Variants in AMD1 observed in about 807,000 individuals in gnomAD.
AMD1 encodes S-adenosylmethionine decarboxylase proenzyme.
In AMD1, 11 loss-of-function variants were observed where a neutral mutation model predicts 40.2. The ratio of observed to expected loss-of-function variants is 0.27; its 90% CI spans 0.17 to 0.45. The LOEUF (loss-of-function observed/expected upper bound fraction) is 0.45, where lower values mean the gene tolerates loss of function less well. AMD1 is among the 20% of genes least tolerant of loss of function. The pLI, the probability that AMD1 is intolerant of heterozygous loss-of-function variation, is 1.00. For synonymous variants in AMD1, 121 were observed against 130.8 expected, an observed-to-expected ratio of 0.93 and a Z score of 0.51; for missense variants, 257 against 410.2, an observed-to-expected ratio of 0.63 and a Z score of 3.23.
chr6:110,840,700 A>G, the AMD1 span, among the ~76,000 whole-genome samples: 2 of 133,544 alleles, frequency 1.5e-5, no homozygotes, highest in Non-Finnish European at 3.1e-5. Flanking sequence ...CAGGGTATAG[A>G]GCAGGGCCCT....
rs1433800255 is a variant in AMD1, at chr6:110,883,520, C to G, written c.111-3985C>G. Reference sequence around the variant, plus strand: ...TTGTTTTGTTCTATTCTGCCCCAATCCTCTTGTAGGCCTTTAGCAGCTGTG... The same window carrying G: ...TTGTTTTGTTCTATTCTGCCCCAATGCTCTTGTAGGCCTTTAGCAGCTGTG... On this transcript the variant is annotated intron_variant, in intron 1 of 8. Coordinates refer to ENST00000368885, the MANE Select transcript of AMD1 (RefSeq NM_001634.6). Among the ~76,000 whole-genome samples, 5 of 152,348 alleles carry G rather than the reference C, an allele frequency of 3.3e-5. No homozygotes were observed. In the East Asian group the frequency reaches 5.8e-4, roughly 18 times the overall value.
chr6:110,861,238 G>A, the AMD1 span, among the ~76,000 whole-genome samples: 28 of 151,900 alleles, frequency 1.8e-4, no homozygotes, highest in East Asian at 5.3e-3. Flanking sequence ...GGCGCCTGTA[G>A]TCCCAGCTAC....
chr6:110,854,454 T>C, the AMD1 span, among the ~76,000 whole-genome samples: 3 of 152,018 alleles, frequency 2.0e-5, no homozygotes, highest in Non-Finnish European at 4.4e-5. Context: ...TTTCTTTCTT[T>C]CTTTTTTTTT....
chr6:110,844,793 A>AG, the AMD1 span, among the ~76,000 whole-genome samples: 1 of 151,624 alleles, frequency 6.6e-6, no homozygotes, highest in African/African-American at 2.4e-5. Context: ...GAAAAAAAAA[A>AG]GAAAGAAAGA....
At chr6:110,847,000 C>T in the AMD1 span, among the ~76,000 whole-genome samples, 341 of 151,780 alleles carry the variant, frequency 2.2e-3, 1 homozygote, top group Middle Eastern at 6.8e-3. Flanking sequence ...GAATGCATGG[C>T]ATGCATATCA....
the AMD1 span, among the ~76,000 whole-genome samples, chr6:110,849,389 T>A: frequency 1.3e-5 from 2 of 152,280 alleles, no homozygotes; most frequent in East Asian, 3.9e-4. Flanking sequence ...TATATCCATA[T>A]TAAAAGATGA....
chr6:110,863,008 G>C, the AMD1 span, among the ~76,000 whole-genome samples: 2 of 151,514 alleles, frequency 1.3e-5, no homozygotes, highest in African/African-American at 4.8e-5. Context: ...GCAGTGGCGT[G>C]ATCTCGGCTC....
the AMD1 span, among the ~76,000 whole-genome samples, chr6:110,817,620 G>T: frequency 6.6e-6 from 1 of 152,232 alleles, no homozygotes; most frequent in South Asian, 2.1e-4. Flanking sequence ...AAAAAAAATG[G>T]TATCTTTAAT....
the AMD1 span, among the ~76,000 whole-genome samples, chr6:110,825,216 C>T: frequency 6.6e-6 from 1 of 152,176 alleles, no homozygotes; most frequent in Admixed American, 6.6e-5. Context: ...ACAATTATCA[C>T]AATGTCGTAT....
In AMD1 at chr6:110,880,765, TG is replaced by T. The variant is rs530430910; in HGVS notation, c.110+5553del. Among the ~76,000 whole-genome samples the T allele has an allele frequency of 2.1e-3, 325 of 152,164 alleles. 1 individual carries two copies. Among genetic ancestry groups the T allele is most frequent in the Non-Finnish European group, 3.7e-3 (255 of 68,006 alleles). ...TTGGTGCACTGTAGCCTCCGCCTCCTGGGTTCAAGTGATTCTCCTGCCTCAG... is the reference window on the plus strand; with the variant it reads ...TTGGTGCACTGTAGCCTCCGCCTCCTGGTTCAAGTGATTCTCCTGCCTCAG... On this transcript the variant is annotated intron_variant, in intron 1 of 8. Transcript: ENST00000368885.
the AMD1 span, among the ~76,000 whole-genome samples, chr6:110,856,828 G>A: frequency 6.6e-6 from 1 of 152,120 alleles, no homozygotes; most frequent in Non-Finnish European, 1.5e-5. Context: ...TCCAAAAAAG[G>A]CAGGATTTGT....
chr6:110,839,060 C>A, the AMD1 span, among the ~76,000 whole-genome samples: 2 of 152,190 alleles, frequency 1.3e-5, no homozygotes, highest in African/African-American at 4.8e-5. Flanking sequence ...AGCCACCGCG[C>A]CTGGCCCCTA....
chr6:110,858,280 G>A, the AMD1 span: 1 of 920,104 alleles, frequency 1.1e-6, no homozygotes, highest in Non-Finnish European at 1.7e-6. Flanking sequence ...CGTACGGGCT[G>A]TCAGCCGAGA....
chr6:110,821,036 T>C, the AMD1 span, among the ~76,000 whole-genome samples: 7 of 152,360 alleles, frequency 4.6e-5, no homozygotes, highest in Admixed American at 2.0e-4. Flanking sequence ...CTTTGTGATA[T>C]GAGTTTTAAT....
the AMD1 span, among the ~76,000 whole-genome samples, chr6:110,849,632 A>C: frequency 6.6e-6 from 1 of 152,186 alleles, no homozygotes; most frequent in African/African-American, 2.4e-5. Flanking sequence ...TTTTTTTAAA[A>C]AAACCTCTTT....
chr6:110,828,332 T>G, the AMD1 span, among the ~76,000 whole-genome samples: 2 of 151,886 alleles, frequency 1.3e-5, no homozygotes, highest in African/African-American at 4.8e-5. Context: ...CTCGGGAGGC[T>G]GAGGCAGGAG....
At chr6:110,859,270 G>A in the AMD1 span, 7 of 381,422 alleles carry the variant, frequency 1.8e-5, no homozygotes, top group Non-Finnish European at 3.5e-5. Flanking sequence ...TCTGTGAGTG[G>A]CGGTGTGGGA....
chr6:110,862,469 TA>T, the AMD1 span, among the ~76,000 whole-genome samples: 4 of 146,708 alleles, frequency 2.7e-5, no homozygotes, highest in African/African-American at 1.0e-4. Flanking sequence ...CCTATTTACT[TA>T]TTTTTTTTTT....
chr6:110,863,954 T>C, the AMD1 span: 1 of 474,466 alleles, frequency 2.1e-6, no homozygotes, highest in Non-Finnish European at 4.1e-6. Flanking sequence ...GCAAAACCAG[T>C]TACCACTAAT....
Sources: gnomAD v4.1 joint callset for allele counts (sites outside exome capture counted in the v4.1 genomes callset) on GRCh38, gnomAD v4.1.1 for gene constraint, MANE v1.5 for transcripts, NCBI Gene and HGNC (gene_info 2026-07-23, HGNC 2026-07-21) for gene names.